The following SLC25A37 variants were observed in gnomAD, a reference collection of about 807,000 sequenced individuals.
SLC25A37 encodes solute carrier family 25 member 37, also known as mitoferrin-1.
Under a neutral mutation model 31.0 loss-of-function variants are expected in SLC25A37, and 17 were observed. That is an observed-to-expected ratio of 0.55 (90% confidence interval 0.38 to 0.82). The LOEUF (loss-of-function observed/expected upper bound fraction) is 0.82, where lower values mean the gene tolerates loss of function less well. SLC25A37 is among the 40% of genes least tolerant of loss of function. SLC25A37 has a pLI of 0.00. For missense variants in SLC25A37, 404 were observed against 465.8 expected (o/e 0.87, Z 1.22); for synonymous variants, 222 against 193.0 (o/e 1.15, Z -1.24).
chr8:23,551,038 G>A (rs1327557111), intron 1 of SLC25A37, among the ~76,000 whole-genome samples: 1 of 152,226 alleles, frequency 6.6e-6, no homozygotes, highest in African/African-American at 2.4e-5. Flanking sequence ...CACCAGACCA[G>A]TCAGCAGTGT....
intron 1 of SLC25A37, among the ~76,000 whole-genome samples, chr8:23,565,852 A>T (rs972066578): frequency 6.6e-6 from 1 of 152,342 alleles, no homozygotes; most frequent in East Asian, 1.9e-4. Flanking sequence ...GTGGCAGGGG[A>T]AGGTCTTACT....
chr8:23,532,652 G>A (rs1191069509), intron 1 of SLC25A37, among the ~76,000 whole-genome samples: 2 of 152,170 alleles, frequency 1.3e-5, no homozygotes, highest in Admixed American at 6.5e-5. Context: ...CTTTGCTGTT[G>A]GGGGAAACCC....
chr8:23,543,735 G>T (rs1801961138), intron 1 of SLC25A37, among the ~76,000 whole-genome samples: 1 of 151,526 alleles, frequency 6.6e-6, no homozygotes, highest in Admixed American at 6.6e-5. Context: ...GGGTTTCGCT[G>T]TGTTAGCCAG....
chr8:23,542,469 C>A (rs1441679709), intron 1 of SLC25A37, among the ~76,000 whole-genome samples: 1 of 150,936 alleles, frequency 6.6e-6, no homozygotes. Context: ...ACCTCCACCT[C>A]CTGGGTTCAA....
intron 1 of SLC25A37, among the ~76,000 whole-genome samples, chr8:23,533,170 C>T (rs563328066): frequency 1.3e-5 from 2 of 152,286 alleles, no homozygotes; most frequent in South Asian, 2.1e-4. Flanking sequence ...CCCAGGCAGC[C>T]ATGGCCTGTA....
intron 1 of SLC25A37, among the ~76,000 whole-genome samples, chr8:23,564,861 CTCT>C (rs1802610908): frequency 6.6e-6 from 1 of 151,974 alleles, no homozygotes; most frequent in Admixed American, 6.5e-5. Flanking sequence ...ACCTACCTGT[CTCT>C]GTCTGTCTGT....
At chr8:23,536,761 A>G (rs1343739609) in intron 1 of SLC25A37, among the ~76,000 whole-genome samples, 3 of 152,262 alleles carry the variant, frequency 2.0e-5, no homozygotes, top group African/African-American at 4.8e-5. Flanking sequence ...GCTGCCCTGT[A>G]TGCAGGGAAG....
intron 1 of SLC25A37, among the ~76,000 whole-genome samples, chr8:23,558,622 T>C (rs1299938397): frequency 6.6e-6 from 1 of 152,222 alleles, no homozygotes; most frequent in Admixed American, 6.5e-5. Flanking sequence ...CCCTTCACTT[T>C]GTTCTAGCTT....
chr8:23,568,122 G>T, intron 2 of SLC25A37, 200 bp from the exon 3 acceptor site: 1 of 669,826 alleles, frequency 1.5e-6, no homozygotes, highest in Non-Finnish European at 2.8e-6. Flanking sequence ...GGTTGAGTGT[G>T]CCTAAATTAA....
chr8:23,548,508 C>G (rs1463333238), intron 1 of SLC25A37, among the ~76,000 whole-genome samples: 1 of 146,718 alleles, frequency 6.8e-6, no homozygotes, highest in Admixed American at 6.8e-5. Flanking sequence ...GACTTGTTGC[C>G]CCCCCAGGAT....
chr8:23,546,531 G>GTA (rs1251864600), intron 1 of SLC25A37, among the ~76,000 whole-genome samples: 1,582 of 36,358 alleles, frequency 0.044, 36 homozygotes, highest in Non-Finnish European at 0.059. Context: ...ATATATAGGT[G>GTA]TATATATATA....
chr8:23,553,402 C>T (rs1802279622), intron 1 of SLC25A37, among the ~76,000 whole-genome samples: 1 of 151,746 alleles, frequency 6.6e-6, no homozygotes, highest in Admixed American at 6.6e-5. Flanking sequence ...GTCTGGGCAA[C>T]AGAGTGAGAC....
chr8:23,538,522 CGTGTGTGTGTGT>C (rs202005751), intron 1 of SLC25A37, among the ~76,000 whole-genome samples: 1 of 108,934 alleles, frequency 9.2e-6, no homozygotes, highest in East Asian at 2.7e-4. Flanking sequence ...CGTTGTTTGT[CGTGTGTGTGTGT>C]GTGTGTGTGT....
At chr8:23,553,086 C>T (rs1395629701) in intron 1 of SLC25A37, among the ~76,000 whole-genome samples, 1 of 152,194 alleles carries the variant, frequency 6.6e-6, no homozygotes, top group Non-Finnish European at 1.5e-5. Flanking sequence ...TTCTTCTGCG[C>T]AGCTTTGTGA....
chr8:23,540,625 C>T (rs1801870042), intron 1 of SLC25A37, among the ~76,000 whole-genome samples: 1 of 152,226 alleles, frequency 6.6e-6, no homozygotes. Context: ...GACACCTTCT[C>T]ATTTCAGCAG....
In SLC25A37 at chr8:23,529,293, C is replaced by T. The variant is rs1308996761; in HGVS notation, c.210+81C>T. On this transcript the variant is annotated intron_variant, in intron 1 of 3. Coordinates refer to ENST00000519973, the MANE Select transcript of SLC25A37 (RefSeq NM_016612.4). The surrounding 1 kb of genome is among the most constrained non-coding windows in gnomAD (Gnocchi z 4.1). ...CATTTGCATCCCGCGCGCCGGCAGCCTCGGGGCAGCGTCCCGAAACCGAGC... is the reference window on the plus strand; with the variant it reads ...CATTTGCATCCCGCGCGCCGGCAGCTTCGGGGCAGCGTCCCGAAACCGAGC... 1.4e-5 allele frequency: 20 copies of T among 1,385,396 alleles called. No homozygotes were observed. Among genetic ancestry groups the T allele is most frequent in the Non-Finnish European group, 1.2e-5 (12 of 1,030,630 alleles). 85.8% of individuals were successfully genotyped at this position (1,385,396 alleles called of 1,614,324 possible). A position where few individuals can be genotyped will look rare whatever the true frequency, so the allele number is the denominator to read the frequency against.
At position 23,549,289 on chromosome 8, in the gene SLC25A37, C is replaced by T. The variant is rs570491136; in HGVS notation, c.211-16819C>T. 5.0e-4 allele frequency among the ~76,000 whole-genome samples: 76 copies of T among 152,272 alleles called. No homozygotes were observed. In the East Asian group the frequency reaches 0.013, roughly 25 times the overall value. On this transcript the variant is annotated intron_variant, in intron 1 of 3. Transcript: ENST00000519973. Reference sequence around the variant, plus strand: ...GTCACTCATCTCTGGTCCCTGCCTCCTCCTCTCACTTTTGGAAACCCTTCT... The same window carrying T: ...GTCACTCATCTCTGGTCCCTGCCTCTTCCTCTCACTTTTGGAAACCCTTCT...
intron 1 of SLC25A37, among the ~76,000 whole-genome samples, chr8:23,563,177 A>G (rs1381413704): frequency 1.3e-5 from 2 of 152,064 alleles, no homozygotes; most frequent in African/African-American, 2.4e-5. Flanking sequence ...CTTATAATAT[A>G]TCCCTTTTTT....
At chr8:23,540,051 G>A (rs949502795) in intron 1 of SLC25A37, among the ~76,000 whole-genome samples, 37 of 152,186 alleles carry the variant, frequency 2.4e-4, no homozygotes, top group Admixed American at 1.2e-3. Context: ...GCCTGGGTAT[G>A]TTTATATATT....
Sources: allele counts gnomAD v4.1 joint callset (sites outside exome capture counted in the v4.1 genomes callset), GRCh38; gene constraint gnomAD v4.1.1; non-coding constraint Gnocchi (gnomAD v3.1); transcripts MANE v1.5; gene names NCBI Gene and HGNC (gene_info 2026-07-23, HGNC 2026-07-21).